The following PRKAG2 variants were observed in gnomAD, a reference collection of about 807,000 sequenced individuals.
The protein encoded by PRKAG2 is 5'-AMP-activated protein kinase subunit gamma-2.
In PRKAG2, 26 loss-of-function variants were observed where a neutral mutation model predicts 69.6. The ratio of observed to expected loss-of-function variants is 0.37; its 90% CI spans 0.27 to 0.52. PRKAG2 has a LOEUF of 0.52. Among genes scored for constraint, PRKAG2 ranks in the 20% least tolerant of loss-of-function variants. PRKAG2 has a pLI of 0.90. For synonymous variants in PRKAG2, 293 were observed against 285.0 expected (o/e 1.03, Z -0.28); for missense variants, 557 against 740.0 (o/e 0.75, Z 2.87).
intron 3 of PRKAG2, among the ~76,000 whole-genome samples, chr7:151,688,728 G>A (rs1835157656): frequency 6.6e-6 from 1 of 152,240 alleles, no homozygotes. Context: ...TGGGGAAGAA[G>A]TAGTTCTTCA....
chr7:151,703,795 G>A (rs1838114030), intron 3 of PRKAG2, among the ~76,000 whole-genome samples: 1 of 149,694 alleles, frequency 6.7e-6, no homozygotes. Context: ...ACAAGGTCAG[G>A]AGTTTGAGAC....
chr7:151,685,378 C>A (rs1199274979), intron 3 of PRKAG2, among the ~76,000 whole-genome samples: 1 of 152,224 alleles, frequency 6.6e-6, no homozygotes, highest in Non-Finnish European at 1.5e-5. Flanking sequence ...TCAGCTTCAG[C>A]ACCCCTTTAC....
intron 1 of PRKAG2, among the ~76,000 whole-genome samples, chr7:151,872,339 T>C (rs1214912796): frequency 1.3e-5 from 2 of 152,226 alleles, no homozygotes; most frequent in South Asian, 4.1e-4. Flanking sequence ...ACCAGCCCGT[T>C]TCCCATCACT....
At chr7:151,568,066 G>A (rs1273472186) in intron 11 of PRKAG2, among the ~76,000 whole-genome samples, 2 of 152,156 alleles carry the variant, frequency 1.3e-5, no homozygotes, top group Non-Finnish European at 2.9e-5. Flanking sequence ...GTAATTAAAA[G>A]ACAAACATAA....
At chr7:151,721,743 A>C (rs1797153157) in intron 3 of PRKAG2, among the ~76,000 whole-genome samples, 1 of 152,274 alleles carries the variant, frequency 6.6e-6, no homozygotes, top group East Asian at 1.9e-4. Flanking sequence ...TCACAGTGTC[A>C]GGCCAACGTC....
At chr7:151,561,040 G>A (rs547728398) in intron 14 of PRKAG2, among the ~76,000 whole-genome samples, 4 of 152,188 alleles carry the variant, frequency 2.6e-5, no homozygotes, top group Non-Finnish European at 5.9e-5. Flanking sequence ...TGATTACCTG[G>A]AAGACCTACT....
chr7:151,834,791 T>C (rs1216745030), intron 1 of PRKAG2, among the ~76,000 whole-genome samples: 5 of 152,146 alleles, frequency 3.3e-5, no homozygotes, highest in Non-Finnish European at 7.3e-5. Flanking sequence ...CTGGGGGGCT[T>C]TGAACAACAG....
chr7:151,673,232 T>C (rs1832353820), intron 4 of PRKAG2, among the ~76,000 whole-genome samples: 1 of 152,222 alleles, frequency 6.6e-6, no homozygotes, highest in South Asian at 2.1e-4. Context: ...ATCGTGGTTT[T>C]CTCGTCAAAC....
rs185787606 is a variant in PRKAG2, at chr7:151,865,968, G to A, written c.114+10539C>T. On this transcript the variant is annotated intron_variant, in intron 1 of 15. Transcript: ENST00000287878. ...CTGGGAGGCGGAGCTTGCAGTGAGC[G>A]GAGATCGCACCACTGCACTCCAGCT... Among the ~76,000 whole-genome samples, 783 of 150,896 alleles carry A rather than the reference G, an allele frequency of 5.2e-3. 11 individuals are homozygous for A. Among genetic ancestry groups the A allele is most frequent in the African/African-American group, 0.018 (752 of 41,072 alleles).
At chr7:151,626,566 C>T (rs1822963446) in intron 5 of PRKAG2, among the ~76,000 whole-genome samples, 1 of 152,144 alleles carries the variant, frequency 6.6e-6, no homozygotes. Context: ...AAGTAATGAT[C>T]GACAAGTACC....
chr7:151,666,683 T>C (rs979233633), intron 4 of PRKAG2, among the ~76,000 whole-genome samples: 2 of 152,204 alleles, frequency 1.3e-5, no homozygotes, highest in African/African-American at 4.8e-5. Context: ...TGCCCTCCCA[T>C]GGCTGGCAAG....
intron 4 of PRKAG2, among the ~76,000 whole-genome samples, chr7:151,646,146 T>G (rs990298707): frequency 4.6e-5 from 7 of 152,210 alleles, no homozygotes; most frequent in African/African-American, 1.7e-4. Context: ...TTCTCCAACT[T>G]TGTTCTTCAT....
chr7:151,674,556 A>G (rs1435698600), intron 4 of PRKAG2, among the ~76,000 whole-genome samples: 3 of 152,154 alleles, frequency 2.0e-5, no homozygotes, highest in African/African-American at 7.2e-5. Context: ...AGTAGGGCCC[A>G]CTGTGTTGAA....
intron 3 of PRKAG2, among the ~76,000 whole-genome samples, chr7:151,748,855 C>T (rs1048199205): frequency 6.6e-5 from 10 of 152,250 alleles, no homozygotes; most frequent in African/African-American, 1.9e-4. Flanking sequence ...GCCTTCGCCC[C>T]GCCGCGCCCG....
intron 2 of PRKAG2, among the ~76,000 whole-genome samples, chr7:151,785,126 G>A (rs1230347618): frequency 6.6e-6 from 1 of 152,250 alleles, no homozygotes; most frequent in African/African-American, 2.4e-5. Flanking sequence ...GCCTGGCTCC[G>A]CAGAGCTAAT....
At chr7:151,736,030 A>G in intron 3 of PRKAG2, 3 of 1,536,064 alleles carry the variant, frequency 2.0e-6, no homozygotes, top group African/African-American at 1.4e-5. Flanking sequence ...ACAGGTGAAC[A>G]TATCAGGACC....
chr7:151,733,914 C>T (rs112363688), intron 3 of PRKAG2, among the ~76,000 whole-genome samples: 3,580 of 152,004 alleles, frequency 0.024, 132 homozygotes, highest in African/African-American at 0.082. Context: ...AGGCTGGTCT[C>T]GAACTCCTAG....
chr7:151,731,136 T>G (rs1297301719), intron 3 of PRKAG2, among the ~76,000 whole-genome samples: 1 of 152,246 alleles, frequency 6.6e-6, no homozygotes, highest in African/African-American at 2.4e-5. Context: ...CATAATCCTT[T>G]CCTAATCTTC....
In PRKAG2 at chr7:151,763,362, G is replaced by A. The variant is rs538245201; in HGVS notation, c.466+17790C>T. Among the ~76,000 whole-genome samples the A allele has an allele frequency of 1.4e-3, 216 of 152,358 alleles. 1 individual carries two copies. The highest frequency in any genetic ancestry group is 1.8e-3 in the Non-Finnish European group (122 of 68,036). On this transcript the variant is annotated intron_variant, in intron 3 of 15. Transcript: ENST00000287878. The stretch of plus-strand genomic sequence containing the variant: ...ACGGGTTGCTCTTGATGTCTTGGGT[G>A]GGAAGTGACGCCTGTCCTCTCTCTT...
Sources: gnomAD v4.1 joint callset for allele counts (sites outside exome capture counted in the v4.1 genomes callset) on GRCh38, gnomAD v4.1.1 for gene constraint, MANE v1.5 for transcripts, NCBI Gene and HGNC (gene_info 2026-07-23, HGNC 2026-07-21) for gene names.